The following HMGCS1 variants were observed in gnomAD, a reference collection of about 807,000 sequenced individuals.
HMGCS1 encodes the protein hydroxymethylglutaryl-CoA synthase, cytoplasmic.
HMGCS1 carries 9 observed loss-of-function variants against 52.3 expected under a neutral mutation model. That is an observed-to-expected ratio of 0.17 (90% CI 0.10 to 0.30). HMGCS1 has a LOEUF of 0.30. HMGCS1 is among the 10% of genes least tolerant of loss of function. HMGCS1 has a pLI of 1.00. For synonymous variants in HMGCS1, 176 were observed against 214.4 expected (o/e 0.82, Z 1.57); for missense variants, 320 against 620.9 (o/e 0.52, Z 5.15).
At chr5:43,311,004 C>T (rs1203123331) in intron 1 of HMGCS1, among the ~76,000 whole-genome samples, 2 of 152,186 alleles carry the variant, frequency 1.3e-5, no homozygotes, top group Non-Finnish European at 2.9e-5. Flanking sequence ...CATCAACACA[C>T]GCCATGCATT....
Position 43,294,871 on chromosome 5 carries a change from T to C in HMGCS1, c.906-10A>G. 1 of 1,583,510 alleles carries C rather than the reference T, an allele frequency of 6.3e-7. No individual in the cohort carries two copies. The highest frequency in any genetic ancestry group is 1.1e-5 in the South Asian group (1 of 89,018). On this transcript the variant is annotated splice_polypyrimidine_tract_variant and intron_variant, in intron 6 of 10. Coordinates refer to ENST00000325110, the MANE Select transcript of HMGCS1 (RefSeq NM_001098272.3). Reference sequence around the variant, plus strand: ...TTCTAATTTAACATCCCTGAAAGATTTATTTTACAGTTTTACAGTGTTTAA... The same window carrying C: ...TTCTAATTTAACATCCCTGAAAGATCTATTTTACAGTTTTACAGTGTTTAA...
Position 43,294,096 on chromosome 5 carries a change from G to A in HMGCS1, c.1143C>T (p.Ala381=). Residue 381 remains alanine, a synonymous_variant, in exon 8 of 11, where the codon GCC becomes GCT. Coordinates refer to ENST00000325110, the MANE Select transcript of HMGCS1 (RefSeq NM_001098272.3). Reference sequence around the variant, plus strand: ...GTGTGACTTTAAGAGAGTACAGAGTGGCAGCCAAACCAGAACCATAAGAAA... The same window carrying A: ...GTGTGACTTTAAGAGAGTACAGAGTAGCAGCCAAACCAGAACCATAAGAAA... ...GVFSYGSGLA[A]TLYSLKVTQD... The A allele has an allele frequency of 6.2e-7, 1 of 1,613,050 alleles. No homozygotes were observed. The highest frequency in any genetic ancestry group is 8.5e-7 in the Non-Finnish European group (1 of 1,179,064).
At chr5:43,305,800 AT>A (rs1395891845) in intron 2 of HMGCS1, among the ~76,000 whole-genome samples, 52 of 141,982 alleles carry the variant, frequency 3.7e-4, no homozygotes, top group African/African-American at 7.1e-4. Context: ...AAAAAAAAAA[AT>A]TTAAAAAATT....
Position 43,295,799 on chromosome 5 carries a change from G to A in HMGCS1, c.858C>T (p.Asp286=). The stretch of plus-strand genomic sequence containing the variant: ...AGATACTATTTTTATCTCTATTCTG[G>A]TCATTAAGGAAGTCATTCAGCAACA... ...ARMLLNDFLN[D]QNRDKNSIYS... The change falls in exon 6 of 11, where the codon GAC becomes GAT. Residue 286 remains aspartate, a synonymous_variant. Coordinates refer to ENST00000325110, the MANE Select transcript of HMGCS1 (RefSeq NM_001098272.3). 6.2e-7 allele frequency: 1 copy of A among 1,613,188 alleles called. No individual in the cohort carries two copies. Among genetic ancestry groups the A allele is most frequent in the Non-Finnish European group, 8.5e-7 (1 of 1,179,364 alleles).
At chr5:43,308,786 T>C (rs1431327695) in intron 1 of HMGCS1, among the ~76,000 whole-genome samples, 1 of 152,202 alleles carries the variant, frequency 6.6e-6, no homozygotes, top group Non-Finnish European at 1.5e-5. Flanking sequence ...ATTCGGATGT[T>C]ATTAATATTT....
At chr5:43,308,342 T>C (rs568007363) in intron 1 of HMGCS1, among the ~76,000 whole-genome samples, 2 of 152,284 alleles carry the variant, frequency 1.3e-5, no homozygotes, top group South Asian at 4.1e-4. Flanking sequence ...TTGTGAAGGA[T>C]TGCTGAGATG....
At chr5:43,291,428 G>C (rs561992232) in intron 10 of HMGCS1, among the ~76,000 whole-genome samples, 16 of 151,518 alleles carry the variant, frequency 1.1e-4, no homozygotes, top group South Asian at 2.1e-4. Context: ...TTATCCATAT[G>C]GGGGGGAGAG....
At position 43,292,826 on chromosome 5, in the gene HMGCS1, A is replaced by G. The variant is rs748480296; in HGVS notation, c.1309+22T>C. 4 of 1,610,520 alleles carry G rather than the reference A, an allele frequency of 2.5e-6. No homozygotes were observed. The Admixed American group carries it at 6.7e-5, about 27-fold the overall frequency. ...ATCAGCCCTCCAAATGGGTTAACTT[A>G]AAGAACATTTAATATTTTTACCCAA... On this transcript the variant is annotated intron_variant, in intron 9 of 10. Coordinates refer to ENST00000325110, the MANE Select transcript of HMGCS1 (RefSeq NM_001098272.3).
intron 2 of HMGCS1, among the ~76,000 whole-genome samples, chr5:43,303,516 C>A (rs1754420452): frequency 6.6e-6 from 1 of 152,214 alleles, no homozygotes; most frequent in South Asian, 2.1e-4. Context: ...GCTGTTTAAA[C>A]CACCTACTCT....
At chr5:43,309,961 C>T (rs143117450) in intron 1 of HMGCS1, among the ~76,000 whole-genome samples, 320 of 152,302 alleles carry the variant, frequency 2.1e-3, no homozygotes, top group African/African-American at 7.3e-3. Context: ...CTTCTGGCTC[C>T]CTCCTTAGCC....
At chr5:43,299,582 G>A (rs1025717073) in intron 2 of HMGCS1, among the ~76,000 whole-genome samples, 2 of 151,954 alleles carry the variant, frequency 1.3e-5, no homozygotes, top group East Asian at 1.9e-4. Flanking sequence ...CCCGGGAGGA[G>A]GAGCTTGCAG....
intron 7 of HMGCS1, 134 bp from the exon 8 acceptor site, chr5:43,294,296 C>T: frequency 1.6e-6 from 1 of 629,844 alleles, no homozygotes. Context: ...AAGGATCTAA[C>T]TCAAAGTGTT....
At position 43,291,014 on chromosome 5, in the gene HMGCS1, A is replaced by C. The variant is rs1753733084; in HGVS notation, c.*117T>G. The stretch of plus-strand genomic sequence containing the variant: ...CCAGGCTCCATGTCAGTCACATAAA[A>C]ATTTACATAACATGTAATCCTTTAA... On this transcript the variant is annotated 3_prime_UTR_variant, in exon 11 of 11. Transcript: ENST00000325110. 2 of 663,154 alleles carry C rather than the reference A, an allele frequency of 3.0e-6. No individual in the cohort carries two copies. The highest frequency in any genetic ancestry group is 2.5e-5 in the Admixed American group (1 of 40,308). 41.1% of individuals were successfully genotyped at this position (663,154 alleles called of 1,614,324 possible). A position where few individuals can be genotyped will look rare whatever the true frequency, so the allele number is the denominator to read the frequency against.
Position 43,290,791 on chromosome 5 carries a change from C to T in HMGCS1, c.*340G>A, listed in dbSNP as rs1753722378. The T allele has an allele frequency of 5.2e-6, 1 of 191,388 alleles. No homozygotes were observed. Among genetic ancestry groups the T allele is most frequent in the African/African-American group, 2.3e-5 (1 of 43,044 alleles). The allele number at this position is 191,388 out of a possible 1,614,324, so 11.9% of individuals were successfully genotyped here. A position where few individuals can be genotyped will look rare whatever the true frequency, so the allele number is the denominator to read the frequency against. On this transcript the variant is annotated 3_prime_UTR_variant, in exon 11 of 11. Coordinates refer to ENST00000325110, the MANE Select transcript of HMGCS1 (RefSeq NM_001098272.3). ...ATTTTTTAATTGGAGATTAGTACCT[C>T]TGCTTTCTTCTGACAGAAGTACACA...
intron 4 of HMGCS1, 113 bp downstream of exon 4, chr5:43,297,896 C>A: frequency 1.3e-6 from 1 of 794,022 alleles, no homozygotes; most frequent in African/African-American, 1.8e-5. Flanking sequence ...AAGCTCTTAG[C>A]AAGTAGTACC....
At chr5:43,297,581 C>G (rs1325899028) in intron 4 of HMGCS1, among the ~76,000 whole-genome samples, 1 of 152,218 alleles carries the variant, frequency 6.6e-6, no homozygotes, top group African/African-American at 2.4e-5. Context: ...TGGCTTACGC[C>G]TGTAATCCCA....
In HMGCS1 at chr5:43,292,457, G is replaced by C. The variant is rs770981258; in HGVS notation, c.1473+17C>G. On this transcript the variant is annotated intron_variant, in intron 10 of 10. Transcript: ENST00000325110. ...TCCTAAACCCTAAGATATGGAGATG[G>C]GAACTCTTTTATTTACCTCAGTTGC... The C allele has an allele frequency of 3.1e-6, 5 of 1,608,222 alleles. No homozygotes were observed. In the Admixed American group the frequency reaches 6.7e-5, roughly 22 times the overall value.
intron 1 of HMGCS1, among the ~76,000 whole-genome samples, chr5:43,311,666 A>G (rs1426006105): frequency 6.6e-6 from 1 of 152,218 alleles, no homozygotes; most frequent in Non-Finnish European, 1.5e-5. Flanking sequence ...TTCTGAGAAA[A>G]GCTATCTAAA....
In HMGCS1 at chr5:43,298,833, C is replaced by T. The variant is rs1277600338; in HGVS notation, c.133G>A (p.Gly45Arg). ...ELEKYDGVDAGKYTIGLGQAK... is the reference protein window; with the variant it reads ...ELEKYDGVDARKYTIGLGQAK... ...TGGCCCAAGCCAATGGTATACTTTC[C>T]AGCATCTACACCATCATATTTTTCC... Residue 45 changes from glycine (G) to arginine (R), a missense_variant, in exon 3 of 11, where the codon GGA becomes AGA. By Grantham distance (125) the Gly-to-Arg change is moderately radical (BLOSUM62 -2). Around this residue, in one of 3 missense-constraint regions of HMGCS1, gnomAD observed 85 missense variants for 260.0 expected, o/e 0.33. Coordinates refer to ENST00000325110, the MANE Select transcript of HMGCS1 (RefSeq NM_001098272.3). The surrounding 1 kb of genome is among the most constrained non-coding windows in gnomAD (Gnocchi z 5.6). The T allele has an allele frequency of 6.2e-7, 1 of 1,614,078 alleles. No homozygotes were observed. The highest frequency in any genetic ancestry group is 8.5e-7 in the Non-Finnish European group (1 of 1,180,038).
Sources: gnomAD v4.1 joint callset for allele counts (sites outside exome capture counted in the v4.1 genomes callset) on GRCh38, gnomAD v4.1.1 for gene constraint, gnomAD v4.1.1 regional missense constraint, Gnocchi (gnomAD v3.1) non-coding constraint, MANE v1.5 for transcripts, NCBI Gene and HGNC (gene_info 2026-07-23, HGNC 2026-07-21) for gene names.